RYK: variants seen among roughly 807,000 people sequenced by gnomAD.
The protein encoded by RYK is receptor like tyrosine kinase.
Under a neutral mutation model 70.2 loss-of-function variants are expected in RYK, and 21 were observed. The observed-to-expected ratio is 0.30, with a 90% CI of 0.21 to 0.43. The LOEUF is 0.43. Ranked by LOEUF, RYK falls within the 20% of genes least tolerant of loss-of-function variation. RYK has a pLI of 1.00. For synonymous variants in RYK, 267 were observed against 278.0 expected, an observed-to-expected ratio of 0.96 and a Z score of 0.39; for missense variants, 604 against 753.3, an observed-to-expected ratio of 0.80 and a Z score of 2.32.
intron 5 of RYK, among the ~76,000 whole-genome samples, chr3:134,203,216 C>A (rs1004526352): frequency 6.6e-5 from 10 of 152,182 alleles, no homozygotes; most frequent in Non-Finnish European, 1.3e-4. Context: ...GGCATGGTGG[C>A]AGGCACCTGT....
chr3:134,188,487 C>A (rs2013542005), intron 9 of RYK, among the ~76,000 whole-genome samples: 1 of 152,130 alleles, frequency 6.6e-6, no homozygotes. Context: ...AATGTACACA[C>A]CCTTAGGCCA....
chr3:134,226,798 A>G (rs1189524685), intron 1 of RYK, among the ~76,000 whole-genome samples: 1 of 152,192 alleles, frequency 6.6e-6, no homozygotes, highest in African/African-American at 2.4e-5. Context: ...CTAGGAATAG[A>G]CAGAAACTTT....
intron 2 of RYK, among the ~76,000 whole-genome samples, chr3:134,220,326 T>C (rs1243144741): frequency 1.3e-5 from 2 of 152,202 alleles, no homozygotes; most frequent in African/African-American, 4.8e-5. Context: ...GATTAGATAA[T>C]AACATAATAA....
At chr3:134,182,315 T>A (rs748282261) in intron 10 of RYK, among the ~76,000 whole-genome samples, 6 of 152,160 alleles carry the variant, frequency 3.9e-5, no homozygotes, top group Non-Finnish European at 8.8e-5. Flanking sequence ...GATTTACAGT[T>A]GCCAATATCA....
intron 13 of RYK, among the ~76,000 whole-genome samples, chr3:134,160,492 T>A (rs908745091): frequency 2.6e-5 from 4 of 152,160 alleles, no homozygotes; most frequent in African/African-American, 4.8e-5. Flanking sequence ...CAGATTTTTT[T>A]AAAAGCCTTA....
chr3:134,239,534 T>C (rs912993658), intron 1 of RYK, among the ~76,000 whole-genome samples: 5 of 152,340 alleles, frequency 3.3e-5, no homozygotes, highest in Middle Eastern at 3.4e-3. Flanking sequence ...TTAGTAAGTA[T>C]AGCTTCAGTC....
At chr3:134,177,033 G>A (rs973931545) in intron 11 of RYK, among the ~76,000 whole-genome samples, 2 of 150,552 alleles carry the variant, frequency 1.3e-5, no homozygotes, top group African/African-American at 4.9e-5. Flanking sequence ...GCGACAGAGC[G>A]AGACTCCATC....
chr3:134,177,025 G>A (rs777174120), intron 11 of RYK, among the ~76,000 whole-genome samples: 2 of 151,528 alleles, frequency 1.3e-5, no homozygotes, highest in Non-Finnish European at 2.9e-5. Context: ...TAGCCTGGGC[G>A]ACAGAGCGAG....
At chr3:134,195,925 G>A (rs915119460) in intron 6 of RYK, among the ~76,000 whole-genome samples, 3 of 150,948 alleles carry the variant, frequency 2.0e-5, no homozygotes, top group Non-Finnish European at 3.0e-5. Context: ...CAGCCTGGGC[G>A]ATAAAGTGAC....
chr3:134,235,116 G>A (rs1165229812), intron 1 of RYK, among the ~76,000 whole-genome samples: 2 of 151,950 alleles, frequency 1.3e-5, no homozygotes, highest in Admixed American at 6.6e-5. Flanking sequence ...TGACCACCGG[G>A]CAATGGTAAG....
intron 6 of RYK, among the ~76,000 whole-genome samples, chr3:134,195,839 G>A (rs1007125519): frequency 1.3e-5 from 2 of 152,054 alleles, no homozygotes; most frequent in East Asian, 1.9e-4. Flanking sequence ...CCAGTTACTC[G>A]GGAGGCTGAT....
chr3:134,239,589 T>C (rs1201056873), intron 1 of RYK, among the ~76,000 whole-genome samples: 2 of 152,186 alleles, frequency 1.3e-5, no homozygotes, highest in African/African-American at 4.8e-5. Context: ...TGGGAAATGA[T>C]CAACAGAATG....
At chr3:134,181,102 T>C (rs1195341550) in intron 10 of RYK, 1 of 152,214 alleles carries the variant, frequency 6.6e-6, no homozygotes, top group African/African-American at 2.4e-5. Flanking sequence ...TTTGTCTACA[T>C]TTATCCCTGC....
At chr3:134,192,097 A>C (rs1560010267) in intron 7 of RYK, 123 bp from the exon 8 acceptor site, 1 of 896,546 alleles carries the variant, frequency 1.1e-6, no homozygotes, top group East Asian at 2.6e-5. Flanking sequence ...TCATAAAAGG[A>C]AACAGGCATA....
Position 134,248,140 on chromosome 3 carries a change from A to G in RYK, c.232+2283T>C, listed in dbSNP as rs189522629. Among the ~76,000 whole-genome samples the G allele has an allele frequency of 1.4e-3, 212 of 152,346 alleles. 1 individual carries two copies. In the South Asian group the frequency reaches 0.023, roughly 16 times the overall value. On this transcript the variant is annotated intron_variant, in intron 1 of 14. Transcript: ENST00000623711. ...GAGATGGGAAGGGATGGAAACAACG[A>G]ACCTGAATCTGGCAGGATGGAGTGA...
At chr3:134,194,189 C>T (rs150813594) in intron 7 of RYK, among the ~76,000 whole-genome samples, 1 of 152,310 alleles carries the variant, frequency 6.6e-6, no homozygotes, top group East Asian at 1.9e-4. Flanking sequence ...TCCACCAGCA[C>T]CATCTGGTTA....
rs2014064569 is a variant in RYK, at chr3:134,202,717, A to G, written c.788+13T>C. On this transcript the variant is annotated intron_variant, in intron 6 of 14. Coordinates refer to ENST00000623711, the MANE Select transcript of RYK (RefSeq NM_002958.4). ...GCTTTCATTTTTTTTCTTTCCCAAA[A>G]TATGTACAATACCTGTCATCCAGTT... is the stretch of plus-strand genomic sequence containing the variant. 1.2e-6 allele frequency: 2 copies of G among 1,608,028 alleles called. No homozygotes were observed. The highest frequency in any genetic ancestry group is 1.7e-6 in the Non-Finnish European group (2 of 1,178,668).
intron 2 of RYK, among the ~76,000 whole-genome samples, chr3:134,212,110 T>A (rs546135549): frequency 6.6e-6 from 1 of 152,288 alleles, no homozygotes; most frequent in African/African-American, 2.4e-5. Flanking sequence ...CTAAGTCACA[T>A]CCTCTAGTCT....
chr3:134,222,316 G>T, intron 2 of RYK, 102 bp downstream of exon 2: 2 of 1,183,876 alleles, frequency 1.7e-6, no homozygotes, highest in Non-Finnish European at 1.2e-6. Context: ...CACATCACCA[G>T]CGGACCCTTC....
Sources: allele counts gnomAD v4.1 joint callset (sites outside exome capture counted in the v4.1 genomes callset), GRCh38; gene constraint gnomAD v4.1.1; transcripts MANE v1.5; gene names NCBI Gene and HGNC (gene_info 2026-07-23, HGNC 2026-07-21).